The following MFSD12 variants were observed in gnomAD, a reference collection of about 807,000 sequenced individuals.
MFSD12 encodes the protein major facilitator superfamily domain containing 12.
A neutral mutation model predicts 51.2 loss-of-function variants in MFSD12; 67 were observed. The ratio of observed to expected loss-of-function variants is 1.31; its 90% CI spans 1.08 to 1.60. The LOEUF (loss-of-function observed/expected upper bound fraction) is 1.60, where lower values mean the gene tolerates loss of function less well. MFSD12 is among the 40% of genes most tolerant of loss of function. The probability of loss-of-function intolerance (pLI) is 0.00; values close to 1 mark genes in which losing one functional copy is unlikely to be tolerated. For synonymous variants in MFSD12, 441 were observed against 316.7 expected (o/e 1.39, Z -4.17); for missense variants, 921 against 673.0 (o/e 1.37, Z -4.08).
chr19:3,543,364 CGCCTGGGAA>C (rs1208156520), downstream of MFSD12: 53 of 1,549,232 alleles, frequency 3.4e-5, 1 homozygote, highest in South Asian at 6.0e-5. Flanking sequence ...CCAACTCGGA[CGCCTGGGAA>C]GCCTGGTACA....
chr19:3,557,030 A>G (rs2145230720), intron 1 of MFSD12, 76 bp downstream of exon 1: 1 of 1,162,604 alleles, frequency 8.6e-7, no homozygotes, highest in Non-Finnish European at 1.1e-6. Context: ...GCGGGTGGTG[A>G]GTCAGAGGGA....
rs577952313 is a variant in MFSD12 at position 3,551,591 on chromosome 19, C to T, written c.299-397G>A. Among the ~76,000 whole-genome samples the T allele has an allele frequency of 1.1e-3, 175 of 152,244 alleles. No homozygotes were observed. Among genetic ancestry groups the T allele is most frequent in the African/African-American group, 4.0e-3 (167 of 41,542 alleles). ...CTGGGCTGGACCCCTCCTTAAGCTC[C>T]GCCATCCTCATCAGCTCCTAAGGTG... On this transcript the variant is annotated intron_variant, in intron 1 of 9. Coordinates refer to ENST00000355415, the MANE Select transcript of MFSD12 (RefSeq NM_174983.5). This position sits in a 1 kb window ranked among gnomAD's most constrained non-coding sequence, Gnocchi z 4.6.
At chr19:3,538,489 T>C (rs1044027026) in exon 5 of MFSD12, 1 of 327,072 alleles carries the variant, frequency 3.1e-6, no homozygotes, top group Admixed American at 4.2e-5. Flanking sequence ...TCTCCCTGAT[T>C]CTGTGGATTG....
chr19:3,540,525 G>A (rs1463764225), downstream of MFSD12, among the ~76,000 whole-genome samples: 3 of 151,422 alleles, frequency 2.0e-5, no homozygotes, highest in African/African-American at 2.4e-5. Context: ...CAAAGTGCTG[G>A]GATTACAGGC....
chr19:3,547,219 C>A, intron 6 of MFSD12, 53 bp downstream of exon 6: 1 of 1,506,226 alleles, frequency 6.6e-7, no homozygotes, highest in South Asian at 1.1e-5. Context: ...GGGATCTCGG[C>A]TGCAGGGCAC....
rs758030207 is a variant in MFSD12, at chr19:3,557,211, C to CCAGCAG, written c.187_192dup (p.Leu63_Leu64dup). Reference sequence around the variant, plus strand: ...GTGCACAGCCCGTCGGCCACCTGGCCCAGCAGCAGCAGCAGCCCCGCGCCG... The same window carrying CCAGCAG: ...GTGCACAGCCCGTCGGCCACCTGGCCCAGCAGCAGCAGCAGCAGCAGCCCCGCGCCG... On this transcript the variant is annotated inframe_insertion, in exon 1 of 10. Transcript: ENST00000355415. 1.9e-5 allele frequency: 30 copies of CCAGCAG among 1,579,960 alleles called. No homozygotes were observed. The highest frequency in any genetic ancestry group is 2.1e-5 in the Non-Finnish European group (24 of 1,165,766).
downstream of MFSD12, chr19:3,541,513 G>A (rs2030411822): frequency 4.4e-6 from 1 of 226,392 alleles, no homozygotes; most frequent in Non-Finnish European, 7.3e-6. Flanking sequence ...AGTAGAGACA[G>A]TGTTTCACCA....
In MFSD12 at chr19:3,557,248, G is replaced by C; in HGVS notation, c.156C>G (p.Ala52=). Residue 52 remains alanine (A), a synonymous_variant, in exon 1 of 10, where the codon GCC becomes GCG. Coordinates refer to ENST00000355415, the MANE Select transcript of MFSD12 (RefSeq NM_174983.5). ...GCAGCCCCGCGCCGCGGGAGCTGTA[G>C]GCGCGCACCGAGTGCAGGTAGAGCA... is the stretch of plus-strand genomic sequence containing the variant. The part of the protein sequence containing the change: ...YLLLYLHSVR[A]YSSRGAGLLL... 1 of 1,595,306 alleles carries C rather than the reference G, an allele frequency of 6.3e-7. No homozygotes were observed. Among genetic ancestry groups the C allele is most frequent in the South Asian group, 1.1e-5 (1 of 88,108 alleles).
In MFSD12 at chr19:3,557,154, C is replaced by T. The variant is rs114247060; in HGVS notation, c.250G>A (p.Ala84Thr). 8,495 of 1,517,526 alleles carry T rather than the reference C, an allele frequency of 5.6e-3. 433 individuals are homozygous for T. The African/African-American group carries it at 0.11, about 19-fold the overall frequency. The allele number at this position is 1,517,526 out of a possible 1,614,324, so 94.0% of individuals were successfully genotyped here. The change falls in exon 1 of 10, where the codon GCC becomes ACC. Residue 84 changes from alanine to threonine, a missense_variant. By Grantham distance (58) the Ala-to-Thr change is moderately conservative. Transcript: ENST00000355415. ...GGGCCGTAGCGGGCGCAGCAGCTGG[C>T]GGCGCGGTCGGCCTCGTAGCCCACG... The part of the protein sequence containing the change: ...PLVGYEADRA[A>T]SCCARYGPRK...
At chr19:3,538,394 T>C (rs557937150) in exon 5 of MFSD12, 65 of 251,976 alleles carry the variant, frequency 2.6e-4, no homozygotes, top group Non-Finnish European at 5.0e-4. Context: ...CAGAACATTC[T>C]CATCACCCAG....
intron 2 of MFSD12, among the ~76,000 whole-genome samples, chr19:3,549,409 G>C (rs2031324441): frequency 6.6e-6 from 1 of 152,194 alleles, no homozygotes; most frequent in African/African-American, 2.4e-5. Context: ...CAAGGACCTT[G>C]GTCAGCTCGG....
chr19:3,553,472 A>AG (rs1184754300), intron 1 of MFSD12, among the ~76,000 whole-genome samples: 1 of 11,798 alleles, frequency 8.5e-5, no homozygotes, highest in Non-Finnish European at 1.7e-4. Flanking sequence ...GACCCTGTCA[A>AG]GAAAAAAAAA....
At chr19:3,543,801 C>G (rs2030677635), downstream of MFSD12, 6 of 1,502,372 alleles carry the variant, frequency 4.0e-6, no homozygotes, top group Non-Finnish European at 5.4e-6. Flanking sequence ...GAGGTGGGGG[C>G]ACATGGTGAC....
chr19:3,538,398 C>T (rs1176694965), exon 5 of MFSD12: 1 of 253,766 alleles, frequency 3.9e-6, no homozygotes, highest in African/African-American at 2.3e-5. Flanking sequence ...ACATTCTCAT[C>T]ACCCAGAAGG....
intron 2 of MFSD12, among the ~76,000 whole-genome samples, chr19:3,548,516 G>C (rs8108240): frequency 6.6e-6 from 1 of 152,156 alleles, no homozygotes; most frequent in Non-Finnish European, 1.5e-5. Flanking sequence ...ACAGTGACTC[G>C]GCCAAGCGGA....
At chr19:3,542,240 A>G (rs1377292293), downstream of MFSD12, 1 of 985,308 alleles carries the variant, frequency 1.0e-6, no homozygotes, top group African/African-American at 1.7e-5. Context: ...GGTCCCTCAA[A>G]CAGGCTCTGT....
chr19:3,548,736 G>A (rs1012427935), intron 2 of MFSD12, among the ~76,000 whole-genome samples: 5 of 152,284 alleles, frequency 3.3e-5, no homozygotes, highest in Non-Finnish European at 7.4e-5. Context: ...TTCTGAAAGC[G>A]GGAACCATGC....
rs539109459 is a variant in MFSD12 at position 3,546,279 on chromosome 19, C to A, written c.1170G>T (p.Thr390=). 3.1e-6 allele frequency: 5 copies of A among 1,610,658 alleles called. No individual in the cohort carries two copies. The highest frequency in any genetic ancestry group is 1.3e-5 in the African/African-American group (1 of 74,924). ...ATILVTSLAM[T]ADLIGPHTNS... ...CCGTGTGGGGACCGATGAGGTCGGC[C>A]GTCATGGCCAGCGAGGTGACGAGGA... is the stretch of plus-strand genomic sequence containing the variant. The change falls in exon 7 of 10, where the codon ACG becomes ACT. Residue 390 remains threonine (T), a synonymous_variant. Coordinates refer to ENST00000355415, the MANE Select transcript of MFSD12 (RefSeq NM_174983.5).
chr19:3,543,598 C>A (rs146191704), downstream of MFSD12: 4 of 1,544,388 alleles, frequency 2.6e-6, no homozygotes, highest in Non-Finnish European at 3.5e-6. Flanking sequence ...ATGACCCCAT[C>A]GTCCCTGCCC....
Sources: allele counts gnomAD v4.1 joint callset (sites outside exome capture counted in the v4.1 genomes callset), GRCh38; gene constraint gnomAD v4.1.1; non-coding constraint Gnocchi (gnomAD v3.1); transcripts MANE v1.5; gene names NCBI Gene and HGNC (gene_info 2026-07-23, HGNC 2026-07-21).